Variants in ATP6V1A observed in about 807,000 individuals in gnomAD.
The protein encoded by ATP6V1A is V-type proton ATPase catalytic subunit A.
ATP6V1A carries 18 observed loss-of-function variants against 70.1 expected under a neutral mutation model. The observed-to-expected ratio is 0.26, with a 90% CI of 0.18 to 0.38. ATP6V1A has a LOEUF of 0.38. ATP6V1A is among the 10% of genes least tolerant of loss of function. The pLI is 1.00. For missense variants in ATP6V1A, 424 were observed against 772.4 expected, an observed-to-expected ratio of 0.55 and a Z score of 5.35; for synonymous variants, 232 against 253.8, an observed-to-expected ratio of 0.91 and a Z score of 0.82.
At chr3:113,766,389 A>G (rs1217058319) in intron 1 of ATP6V1A, among the ~76,000 whole-genome samples, 1 of 152,048 alleles carries the variant, frequency 6.6e-6, no homozygotes, top group African/African-American at 2.4e-5. Flanking sequence ...TCAACCTCCC[A>G]GGCTCAAGCA....
chr3:113,774,899 CGTTTTTT>C (rs1373814763), intron 1 of ATP6V1A, among the ~76,000 whole-genome samples: 2 of 150,834 alleles, frequency 1.3e-5, no homozygotes, highest in Non-Finnish European at 2.9e-5. Context: ...GCATGTAGAA[CGTTTTTT>C]TATTTGTACT....
At chr3:113,765,875 C>A (rs1209929227) in intron 1 of ATP6V1A, among the ~76,000 whole-genome samples, 1 of 149,898 alleles carries the variant, frequency 6.7e-6, no homozygotes, top group African/African-American at 2.5e-5. Context: ...TGCAGTGAGC[C>A]GAGATCGCAC....
intron 1 of ATP6V1A, among the ~76,000 whole-genome samples, chr3:113,757,990 A>G (rs1007658791): frequency 1.3e-5 from 2 of 152,118 alleles, no homozygotes; most frequent in Non-Finnish European, 2.9e-5. Flanking sequence ...CTGAAAATAC[A>G]AAAATTAGCT....
chr3:113,789,020 TAATC>T, intron 7 of ATP6V1A, 145 bp downstream of exon 7: 1 of 740,112 alleles, frequency 1.4e-6, no homozygotes. Flanking sequence ...TATTTGTAAT[TAATC>T]TGTATATTCA....
chr3:113,803,438 ACAT>A, intron 12 of ATP6V1A, 142 bp from the exon 13 acceptor site: 1 of 643,224 alleles, frequency 1.6e-6, no homozygotes, highest in African/African-American at 1.8e-5. Context: ...TTTAAAAAGA[ACAT>A]CAATCAAAAA....
At chr3:113,759,703 T>A (rs1405360793) in intron 1 of ATP6V1A, among the ~76,000 whole-genome samples, 1 of 152,206 alleles carries the variant, frequency 6.6e-6, no homozygotes, top group Non-Finnish European at 1.5e-5. Flanking sequence ...TTGAATATTT[T>A]AAAAATCTTG....
At chr3:113,776,220 G>A (rs1481985568) in intron 1 of ATP6V1A, among the ~76,000 whole-genome samples, 1 of 152,010 alleles carries the variant, frequency 6.6e-6, no homozygotes, top group Non-Finnish European at 1.5e-5. Context: ...TTAGCTGGAT[G>A]TGGTGTCGTG....
At chr3:113,808,868 AGAAAAAGG>A (rs1577098745) in intron 14 of ATP6V1A, among the ~76,000 whole-genome samples, 1 of 152,268 alleles carries the variant, frequency 6.6e-6, no homozygotes, top group East Asian at 1.9e-4. Flanking sequence ...TGTATCCTTA[AGAAAAAGG>A]GAAAATGAGT....
Position 113,809,525 on chromosome 3 carries a change from T to TA in ATP6V1A, c.*98_*99insA. On this transcript the variant is annotated 3_prime_UTR_variant, in exon 15 of 15. Transcript: ENST00000273398. ...CATCTCAAACCCTTTGCTTCTTTAT[T>TA]GTGCAGCTTTGAGACTAGTGCCTAT... 9.0e-7 allele frequency: 1 copy of TA among 1,109,466 alleles called. No individual in the cohort carries two copies. Among genetic ancestry groups the TA allele is most frequent in the South Asian group, 1.4e-5 (1 of 69,880 alleles). The allele number at this position is 1,109,466 out of a possible 1,614,324, so 68.7% of individuals were successfully genotyped here.
At chr3:113,763,867 A>G (rs985563664) in intron 1 of ATP6V1A, among the ~76,000 whole-genome samples, 1 of 152,154 alleles carries the variant, frequency 6.6e-6, no homozygotes, top group African/African-American at 2.4e-5. Flanking sequence ...GTGTGTTTGT[A>G]AGAATTGCTG....
At chr3:113,796,254 A>T (rs1022286158) in intron 11 of ATP6V1A, among the ~76,000 whole-genome samples, 1 of 152,196 alleles carries the variant, frequency 6.6e-6, no homozygotes, top group Non-Finnish European at 1.5e-5. Flanking sequence ...AGAAACAAAG[A>T]GGCCCAAAAA....
chr3:113,747,978 G>A (rs1003658089), intron 1 of ATP6V1A, among the ~76,000 whole-genome samples: 1 of 152,150 alleles, frequency 6.6e-6, no homozygotes, highest in Non-Finnish European at 1.5e-5. Context: ...GAATCAAGTC[G>A]AGATGTTGCT....
At chr3:113,752,963 C>T (rs1368993046) in intron 1 of ATP6V1A, among the ~76,000 whole-genome samples, 1 of 151,850 alleles carries the variant, frequency 6.6e-6, no homozygotes, top group Non-Finnish European at 1.5e-5. Context: ...GATAGGAAAC[C>T]TAAAAGTCAT....
chr3:113,781,293 G>T (rs1389673575), intron 3 of ATP6V1A, 115 bp downstream of exon 3: 6 of 1,183,420 alleles, frequency 5.1e-6, no homozygotes, highest in Non-Finnish European at 6.8e-6. Flanking sequence ...CAGGCAGGTG[G>T]ATCACCTGAG....
rs2108049022 is a variant in ATP6V1A at position 113,809,444 on chromosome 3, A to C, written c.*17A>C. The C allele has an allele frequency of 1.9e-6, 3 of 1,603,622 alleles. No homozygotes were observed. In the South Asian group the frequency reaches 3.3e-5, roughly 18 times the overall value. ...GAAGATTAGAAGCCTTGAAGATTAC[A>C]ACTGTGATTTCCTTTTCCTCAGCAA... On this transcript the variant is annotated 3_prime_UTR_variant, in exon 15 of 15. Coordinates refer to ENST00000273398, the MANE Select transcript of ATP6V1A (RefSeq NM_001690.4).
chr3:113,761,407 C>T (rs1459064493), intron 1 of ATP6V1A, among the ~76,000 whole-genome samples: 1 of 150,820 alleles, frequency 6.6e-6, no homozygotes, highest in African/African-American at 2.4e-5. Flanking sequence ...AAAATTTGCT[C>T]AGTAACGAGA....
At chr3:113,783,498 G>A (rs1709003688) in intron 3 of ATP6V1A, among the ~76,000 whole-genome samples, 1 of 151,950 alleles carries the variant, frequency 6.6e-6, no homozygotes, top group Admixed American at 6.6e-5. Context: ...CCTTATTAGG[G>A]GACTGATATT....
At chr3:113,802,394 G>A (rs1337601135) in intron 12 of ATP6V1A, among the ~76,000 whole-genome samples, 6 of 152,052 alleles carry the variant, frequency 3.9e-5, no homozygotes, top group Non-Finnish European at 8.8e-5. Context: ...GCAGTGGCGC[G>A]ATCTTGGCTC....
intron 1 of ATP6V1A, among the ~76,000 whole-genome samples, chr3:113,771,488 T>A (rs1708840595): frequency 6.8e-6 from 1 of 146,280 alleles, no homozygotes; most frequent in East Asian, 2.1e-4. Flanking sequence ...CCCAGGCTGG[T>A]GTGCAGTGAC....
Sources: allele counts gnomAD v4.1 joint callset (sites outside exome capture counted in the v4.1 genomes callset), GRCh38; gene constraint gnomAD v4.1.1; transcripts MANE v1.5; gene names NCBI Gene and HGNC (gene_info 2026-07-23, HGNC 2026-07-21).